The following GRID2 variants were observed in gnomAD, a reference collection of about 807,000 sequenced individuals.
GRID2 encodes glutamate ionotropic receptor delta type subunit 2.
GRID2 carries 33 observed loss-of-function variants against 114.8 expected under a neutral mutation model. The observed-to-expected ratio is 0.29, with a 90% CI of 0.22 to 0.38. The LOEUF (loss-of-function observed/expected upper bound fraction) is 0.38. Among genes scored for constraint, GRID2 ranks in the 10% least tolerant of loss-of-function variants. The probability of loss-of-function intolerance (pLI) is 1.00; values close to 1 mark genes in which losing one functional copy is unlikely to be tolerated. For missense variants in GRID2, 1,184 were observed against 1,257.7 expected, an observed-to-expected ratio of 0.94 and a Z score of 0.89; for synonymous variants, 505 against 449.9, an observed-to-expected ratio of 1.12 and a Z score of -1.55.
At chr4:93,332,295 TGTGTGAGAGA>T (rs747545720) in intron 8 of GRID2, among the ~76,000 whole-genome samples, 113 of 128,974 alleles carry the variant, frequency 8.8e-4, no homozygotes, top group Non-Finnish European at 1.2e-3. Flanking sequence ...TGTGTGTGTG[TGTGTGAGAGA>T]GAGAGAGAGA....
intron 8 of GRID2, among the ~76,000 whole-genome samples, chr4:93,244,330 T>C (rs1011809911): frequency 1.3e-5 from 2 of 151,800 alleles, no homozygotes; most frequent in South Asian, 2.1e-4. Flanking sequence ...TAAAATAAAA[T>C]GTACGTCAGA....
At chr4:92,704,703 C>CAA (rs1306505525) in intron 2 of GRID2, among the ~76,000 whole-genome samples, 22 of 139,822 alleles carry the variant, frequency 1.6e-4, no homozygotes, top group African/African-American at 5.8e-4. Flanking sequence ...ATCAATCAAT[C>CAA]TCTCTCTCTC....
chr4:92,762,630 C>A (rs531547564), intron 2 of GRID2, among the ~76,000 whole-genome samples: 1 of 152,072 alleles, frequency 6.6e-6, no homozygotes, highest in East Asian at 1.9e-4. Context: ...CCCACTTGTT[C>A]GATTTTCCCT....
At chr4:92,482,028 ATAT>A (rs1560660606) in intron 1 of GRID2, among the ~76,000 whole-genome samples, 16 of 69,130 alleles carry the variant, frequency 2.3e-4, no homozygotes, top group African/African-American at 6.7e-4. Flanking sequence ...ATATATATAT[ATAT>A]ATAAAATAAC....
At position 92,779,494 on chromosome 4, in the gene GRID2, C is replaced by G. The variant is rs114501680; in HGVS notation, c.244+189208C>G. Reference sequence around the variant, plus strand: ...TTAAAGACAGATGAGTTTATTCTCTCGCACACCAAATAAAGCTAGAAGTGA... The same window carrying G: ...TTAAAGACAGATGAGTTTATTCTCTGGCACACCAAATAAAGCTAGAAGTGA... On this transcript the variant is annotated intron_variant, in intron 2 of 15. Transcript: ENST00000282020. 1.5e-3 allele frequency among the ~76,000 whole-genome samples: 227 copies of G among 152,126 alleles called. 1 individual carries two copies. The highest frequency in any genetic ancestry group is 5.1e-3 in the African/African-American group (212 of 41,528).
intron 2 of GRID2, among the ~76,000 whole-genome samples, chr4:92,735,496 A>T (rs981685271): frequency 6.6e-6 from 1 of 152,140 alleles, no homozygotes; most frequent in African/African-American, 2.4e-5. Flanking sequence ...TGAAACTGTG[A>T]AAAACAAAAC....
intron 2 of GRID2, among the ~76,000 whole-genome samples, chr4:92,800,486 GCA>G (rs1740099509): frequency 6.6e-6 from 1 of 151,894 alleles, no homozygotes; most frequent in Admixed American, 6.6e-5. Context: ...AAATAAAATA[GCA>G]CATATATCAA....
At chr4:93,039,921 G>A (rs116459041) in intron 2 of GRID2, among the ~76,000 whole-genome samples, 1 of 152,080 alleles carries the variant, frequency 6.6e-6, no homozygotes, top group Non-Finnish European at 1.5e-5. Context: ...GCAAAAAGTT[G>A]GGCTACATAA....
At chr4:93,328,184 T>G (rs1758051371) in intron 8 of GRID2, among the ~76,000 whole-genome samples, 1 of 152,134 alleles carries the variant, frequency 6.6e-6, no homozygotes, top group African/African-American at 2.4e-5. Flanking sequence ...TTTAAAGATG[T>G]AAATGAGATA....
intron 2 of GRID2, among the ~76,000 whole-genome samples, chr4:92,759,582 A>C (rs775155188): frequency 4.6e-5 from 7 of 151,916 alleles, no homozygotes; most frequent in Non-Finnish European, 7.4e-5. Context: ...ATGTGTGTAT[A>C]TGTGTATCAT....
chr4:92,382,450 T>G (rs994426605), intron 1 of GRID2, among the ~76,000 whole-genome samples: 4 of 152,036 alleles, frequency 2.6e-5, no homozygotes, highest in Non-Finnish European at 4.4e-5. Context: ...TTTTTGTTCT[T>G]GTTCGATATT....
intron 1 of GRID2, among the ~76,000 whole-genome samples, chr4:92,433,948 G>T (rs576564026): frequency 1.3e-5 from 2 of 152,326 alleles, no homozygotes; most frequent in African/African-American, 4.8e-5. Flanking sequence ...AACCTAGAAT[G>T]AGGCCAATAA....
intron 9 of GRID2, among the ~76,000 whole-genome samples, chr4:93,421,798 T>C (rs1768312283): frequency 6.7e-6 from 1 of 149,140 alleles, no homozygotes; most frequent in Non-Finnish European, 1.5e-5. Context: ...AAAGCCAAAA[T>C]GAAAGCATTA....
chr4:93,255,782 T>C (rs1308042991), intron 8 of GRID2, among the ~76,000 whole-genome samples: 2 of 152,070 alleles, frequency 1.3e-5, no homozygotes, highest in Non-Finnish European at 2.9e-5. Context: ...GTGTCATGCT[T>C]CTTGAACTTC....
intron 14 of GRID2, among the ~76,000 whole-genome samples, chr4:93,647,215 T>C (rs1341413862): frequency 6.6e-6 from 1 of 152,166 alleles, no homozygotes; most frequent in Non-Finnish European, 1.5e-5. Context: ...GATAGGCACC[T>C]TTTTATAAAG....
At chr4:93,431,688 A>T (rs935745762) in intron 10 of GRID2, among the ~76,000 whole-genome samples, 3 of 152,196 alleles carry the variant, frequency 2.0e-5, no homozygotes, top group African/African-American at 7.2e-5. Flanking sequence ...GGAGAGGGGA[A>T]GAAAGAGATA....
At chr4:93,535,265 CA>C (rs1731935617) in intron 13 of GRID2, among the ~76,000 whole-genome samples, 1 of 149,718 alleles carries the variant, frequency 6.7e-6, no homozygotes, top group Non-Finnish European at 1.5e-5. Context: ...CACACACACA[CA>C]CACACCACAT....
At position 93,075,060 on chromosome 4, in the gene GRID2, C is replaced by A. The variant is rs191401651; in HGVS notation, c.245-9935C>A. ...TTCAGGAAAAATGACATTAATTATA[C>A]ACAAACTCTTCCAGAAAATTCAAAA... On this transcript the variant is annotated intron_variant, in intron 2 of 15. Coordinates refer to ENST00000282020, the MANE Select transcript of GRID2 (RefSeq NM_001510.4). Among the ~76,000 whole-genome samples, 275 of 152,244 alleles carry A rather than the reference C, an allele frequency of 1.8e-3. 1 individual carries two copies. Among genetic ancestry groups the A allele is most frequent in the African/African-American group, 6.3e-3 (262 of 41,524 alleles).
chr4:92,921,565 A>G (rs1485730136), intron 2 of GRID2, among the ~76,000 whole-genome samples: 1 of 152,208 alleles, frequency 6.6e-6, no homozygotes, highest in Non-Finnish European at 1.5e-5. Flanking sequence ...TCCTTCTAAC[A>G]GTCAGGACCC....
Sources: allele counts gnomAD v4.1 joint callset (sites outside exome capture counted in the v4.1 genomes callset), GRCh38; gene constraint gnomAD v4.1.1; transcripts MANE v1.5; gene names NCBI Gene and HGNC (gene_info 2026-07-23, HGNC 2026-07-21).